TENM2: variants seen among roughly 807,000 people sequenced by gnomAD.
The protein encoded by TENM2 is teneurin-2.
In TENM2, 52 loss-of-function variants were observed where a neutral mutation model predicts 245.2. The ratio of observed to expected loss-of-function variants is 0.21; its 90% confidence interval spans 0.17 to 0.27. TENM2 has a LOEUF of 0.27. Among genes scored for constraint, TENM2 ranks in the 10% least tolerant of loss-of-function variants. TENM2 has a pLI of 1.00. For synonymous variants in TENM2, 1,363 were observed against 1,438.9 expected, an observed-to-expected ratio of 0.95 and a Z score of 1.19; for missense variants, 3,046 against 3,666.8, an observed-to-expected ratio of 0.83 and a Z score of 4.37.
chr5:167,387,038 G>A (rs921813390), intron 2 of TENM2, among the ~76,000 whole-genome samples: 1 of 152,176 alleles, frequency 6.6e-6, no homozygotes, highest in South Asian at 2.1e-4. Context: ...TTCTAATTCA[G>A]TGAAGAATCA....
chr5:167,035,087 T>C, the TENM2 span, among the ~76,000 whole-genome samples: 1 of 152,182 alleles, frequency 6.6e-6, no homozygotes, highest in Admixed American at 6.5e-5. Context: ...ACAATTTAAT[T>C]TTGCTTTTCA....
At chr5:167,017,031 A>T in the TENM2 span, among the ~76,000 whole-genome samples, 1 of 152,332 alleles carries the variant, frequency 6.6e-6, no homozygotes, top group Non-Finnish European at 1.5e-5. Context: ...ACTTTATACA[A>T]ATCAGAGCTC....
chr5:167,734,525 T>G lies in TENM2; in HGVS notation c.503-141461T>G, dbSNP rs1026420910. On this transcript the variant is annotated intron_variant, in intron 2 of 28. Coordinates refer to ENST00000518659, the Ensembl canonical transcript of TENM2. ...AAATAATATATAATAAATATATTAATAGTTAATGACAACAAGGCTGGTTAA... is the reference window on the plus strand; with the variant it reads ...AAATAATATATAATAAATATATTAAGAGTTAATGACAACAAGGCTGGTTAA... Among the ~76,000 whole-genome samples the G allele has an allele frequency of 6.7e-5, 10 of 149,396 alleles. No homozygotes were observed. The South Asian group carries it at 1.7e-3, about 25-fold the overall frequency.
chr5:167,039,761 A>T, the TENM2 span, among the ~76,000 whole-genome samples: 1 of 152,218 alleles, frequency 6.6e-6, no homozygotes, highest in Non-Finnish European at 1.5e-5. Flanking sequence ...ACTATAACTA[A>T]AATAACTAAA....
At chr5:168,191,423 G>T (rs1760949162) in intron 14 of TENM2, among the ~76,000 whole-genome samples, 1 of 152,100 alleles carries the variant, frequency 6.6e-6, no homozygotes, top group South Asian at 2.1e-4. Flanking sequence ...CCTCTCAGTT[G>T]GTCCAAGTCC....
chr5:168,116,601 T>C (rs12186726), intron 9 of TENM2, among the ~76,000 whole-genome samples: 86,693 of 152,036 alleles, frequency 0.57, 25,153 homozygotes, highest in African/African-American at 0.67. Context: ...AAATGTTTAC[T>C]TAATCAAGCC....
chr5:167,013,826 G>T, the TENM2 span, among the ~76,000 whole-genome samples: 11 of 152,196 alleles, frequency 7.2e-5, no homozygotes, highest in Non-Finnish European at 1.5e-4. Context: ...CTGTGTTTTT[G>T]TTTGATTGTA....
chr5:167,983,210 T>C (rs1782976947), intron 4 of TENM2, among the ~76,000 whole-genome samples: 2 of 151,824 alleles, frequency 1.3e-5, no homozygotes, highest in Non-Finnish European at 2.9e-5. Context: ...CTTCATCTCA[T>C]CCAAAGACTC....
chr5:168,154,157 A>AAAC (rs1206348126), intron 12 of TENM2, among the ~76,000 whole-genome samples: 23 of 151,228 alleles, frequency 1.5e-4, no homozygotes, highest in African/African-American at 5.6e-4. Context: ...TAAAAAAAAA[A>AAAC]AAAAAAAAAC....
In TENM2 at chr5:168,247,190, T is replaced by C. The variant is rs770816813; in HGVS notation, c.6251T>C (p.Met2084Thr). 6 of 1,613,938 alleles carry C rather than the reference T, an allele frequency of 3.7e-6. No individual in the cohort carries two copies. The highest frequency in any genetic ancestry group is 1.1e-5 in the South Asian group (1 of 91,072). ...ATCTACAGGTTCTCCGAGGAAGGCA[T>C]GGTCAATGCCAGGTTTGACTACACC... The change falls in exon 27 of 29, where the codon ATG becomes ACG. Residue 2084 changes from methionine to threonine, a missense_variant. Physicochemically the swap from Met to Thr is moderately conservative, Grantham distance 81. Around this residue, in one of 2 missense-constraint regions of TENM2, gnomAD observed 2,704 missense variants for 3,331.9 expected, o/e 0.81. Transcript: ENST00000518659. The surrounding 1 kb of genome is among the most constrained non-coding windows in gnomAD (Gnocchi z 7.8).
rs549249593 is a variant in TENM2, at chr5:167,413,924, G to A, written c.502+38451G>A. ...AGCGCTCAATACTTTACCACCTAACGTTTCTCAGTAATGAACAAAGCTGTT... is the reference window on the plus strand; with the variant it reads ...AGCGCTCAATACTTTACCACCTAACATTTCTCAGTAATGAACAAAGCTGTT... On this transcript the variant is annotated intron_variant, in intron 2 of 28. Transcript: ENST00000518659. Among the ~76,000 whole-genome samples the A allele has an allele frequency of 1.9e-4, 29 of 152,160 alleles. 1 individual carries two copies. The highest frequency in any genetic ancestry group is 1.6e-3 in the Admixed American group (24 of 15,254).
chr5:167,347,724 T>C (rs984899807), intron 1 of TENM2, among the ~76,000 whole-genome samples: 4 of 152,150 alleles, frequency 2.6e-5, no homozygotes, highest in Non-Finnish European at 5.9e-5. Context: ...CTTCTTTCCT[T>C]TTTTCTTCCT....
the TENM2 span, among the ~76,000 whole-genome samples, chr5:167,056,178 CTTGT>C: frequency 6.6e-6 from 1 of 151,670 alleles, no homozygotes; most frequent in East Asian, 1.9e-4. Flanking sequence ...AGTGATTTTT[CTTGT>C]TTAAGCTGTT....
intron 1 of TENM2, among the ~76,000 whole-genome samples, chr5:167,351,977 G>A (rs188175911): frequency 6.6e-6 from 1 of 152,238 alleles, no homozygotes; most frequent in Admixed American, 6.5e-5. Context: ...TTTAATAAAA[G>A]TGTATTTAAG....
intron 2 of TENM2, among the ~76,000 whole-genome samples, chr5:167,470,381 A>G (rs1398899440): frequency 1.4e-5 from 2 of 147,076 alleles, no homozygotes; most frequent in African/African-American, 5.0e-5. Flanking sequence ...ACTTCCTAAT[A>G]TGTCAGTAGA....
the TENM2 span, among the ~76,000 whole-genome samples, chr5:167,005,089 T>TC: frequency 1.7e-4 from 26 of 152,122 alleles, no homozygotes; most frequent in Admixed American, 1.2e-3. Flanking sequence ...AAAGGACTTT[T>TC]CCCCCCCATT....
chr5:168,036,132 A>G (rs987617281), intron 5 of TENM2, among the ~76,000 whole-genome samples: 1 of 152,178 alleles, frequency 6.6e-6, no homozygotes, highest in East Asian at 1.9e-4. Context: ...GGGGATTTCC[A>G]TGGAGTTAGG....
chr5:167,694,564 G>A (rs1297391883), intron 2 of TENM2, among the ~76,000 whole-genome samples: 2 of 152,170 alleles, frequency 1.3e-5, no homozygotes, highest in East Asian at 3.9e-4. Flanking sequence ...CCTTCATGCT[G>A]AGCCTATCCA....
At chr5:167,358,128 C>T (rs1441129699) in intron 1 of TENM2, among the ~76,000 whole-genome samples, 1 of 152,176 alleles carries the variant, frequency 6.6e-6, no homozygotes, top group Non-Finnish European at 1.5e-5. Context: ...CATTCACCCA[C>T]TTCTTCTACC....
Sources: gnomAD v4.1 joint callset for allele counts (sites outside exome capture counted in the v4.1 genomes callset) on GRCh38, gnomAD v4.1.1 for gene constraint, gnomAD v4.1.1 regional missense constraint, Gnocchi (gnomAD v3.1) non-coding constraint, MANE v1.5 for transcripts, NCBI Gene and HGNC (gene_info 2026-07-23, HGNC 2026-07-21) for gene names.